Variants in MTUS1 observed in about 807,000 individuals in gnomAD.
MTUS1 encodes the protein microtubule associated scaffold protein 1, also known as microtubule-associated tumor suppressor 1.
Under a neutral mutation model 120.8 loss-of-function variants are expected in MTUS1, and 109 were observed. That is an observed-to-expected ratio of 0.90 (90% CI 0.77 to 1.06). MTUS1 has a LOEUF of 1.06. Ranked by LOEUF, MTUS1 falls within the 50% of genes least tolerant of loss-of-function variation. MTUS1 has a pLI of 0.00. For missense variants in MTUS1, 2,210 were observed against 1,486.3 expected, an observed-to-expected ratio of 1.49 and a Z score of -8.01; for synonymous variants, 737 against 550.5, an observed-to-expected ratio of 1.34 and a Z score of -4.74.
intron 8 of MTUS1, 136 bp from the exon 9 acceptor site, chr8:17,656,201 T>A (rs1009184798): frequency 1.2e-5 from 9 of 757,696 alleles, no homozygotes; most frequent in Middle Eastern, 2.8e-4. Flanking sequence ...TGACCATGTC[T>A]TCAAATATAA....
intron 1 of MTUS1, among the ~76,000 whole-genome samples, chr8:17,759,438 A>T (rs978475591): frequency 1.3e-5 from 2 of 151,328 alleles, no homozygotes; most frequent in African/African-American, 4.8e-5. Context: ...TAATTTTTTT[A>T]AAAAACTTTT....
At chr8:17,751,540 G>A (rs11203908) in intron 2 of MTUS1, among the ~76,000 whole-genome samples, 1 of 149,986 alleles carries the variant, frequency 6.7e-6, no homozygotes, top group Non-Finnish European at 1.5e-5. Flanking sequence ...CAAAATTAGA[G>A]AGCACTGTGC....
intron 6 of MTUS1, among the ~76,000 whole-genome samples, chr8:17,696,700 T>G (rs1401398460): frequency 6.6e-6 from 1 of 152,214 alleles, no homozygotes; most frequent in African/African-American, 2.4e-5. Flanking sequence ...ATTTTGAGAC[T>G]GCACACACTT....
chr8:17,714,393 A>G (rs1425355910), intron 5 of MTUS1, among the ~76,000 whole-genome samples: 1 of 152,214 alleles, frequency 6.6e-6, no homozygotes, highest in East Asian at 1.9e-4. Flanking sequence ...AAAGTTACTA[A>G]TAGATATTAA....
intron 8 of MTUS1, among the ~76,000 whole-genome samples, chr8:17,667,613 TGATTA>T (rs1462790029): frequency 1.3e-5 from 2 of 152,230 alleles, no homozygotes; most frequent in Non-Finnish European, 2.9e-5. Flanking sequence ...CTTAAACTCT[TGATTA>T]GAAGAAAAAT....
At chr8:17,767,762 G>C (rs369739314) in intron 1 of MTUS1, among the ~76,000 whole-genome samples, 84 of 150,308 alleles carry the variant, frequency 5.6e-4, no homozygotes, top group Non-Finnish European at 9.2e-4. Context: ...TCCAAGTTTG[G>C]GGGTTGGGGA....
chr8:17,680,641 T>C (rs764170874), intron 7 of MTUS1, among the ~76,000 whole-genome samples: 1 of 152,180 alleles, frequency 6.6e-6, no homozygotes, highest in African/African-American at 2.4e-5. Flanking sequence ...TGCATCTCTC[T>C]GTAGATCCAA....
Position 17,729,895 on chromosome 8 carries a change from T to C in MTUS1, c.2288-6062A>G, listed in dbSNP as rs79069029. ...AGACAACAAATAGCCCAGAGGCACATGCAAAGATGCTCAACATCACTAGTC... is the reference window on the plus strand; with the variant it reads ...AGACAACAAATAGCCCAGAGGCACACGCAAAGATGCTCAACATCACTAGTC... On this transcript the variant is annotated intron_variant, in intron 3 of 14. Coordinates refer to ENST00000693296, the MANE Select transcript of MTUS1 (RefSeq NM_001363059.2). 1.3e-4 allele frequency among the ~76,000 whole-genome samples: 19 copies of C among 148,850 alleles called. 1 individual carries two copies. In the East Asian group the frequency reaches 3.0e-3, roughly 23 times the overall value.
At chr8:17,670,540 C>G (rs890116503) in intron 8 of MTUS1, among the ~76,000 whole-genome samples, 1 of 152,122 alleles carries the variant, frequency 6.6e-6, no homozygotes, top group Non-Finnish European at 1.5e-5. Flanking sequence ...CAGCAGACAT[C>G]TGACCAGGTG....
Position 17,686,029 on chromosome 8 carries a change from C to G in MTUS1, c.2624-1487G>C, listed in dbSNP as rs113434622. Among the ~76,000 whole-genome samples the G allele has an allele frequency of 3.4e-3, 512 of 152,330 alleles. 6 individuals are homozygous for G. The highest frequency in any genetic ancestry group is 0.012 in the African/African-American group (498 of 41,582). ...CCATGAGATTAGCATTCTTTCATGT[C>G]ATTTCCTAAATGTTTTTAGAAATTG... On this transcript the variant is annotated intron_variant, in intron 6 of 14. Coordinates refer to ENST00000693296, the MANE Select transcript of MTUS1 (RefSeq NM_001363059.2).
intron 1 of MTUS1, chr8:17,770,382 T>C (rs568146674): frequency 6.6e-6 from 1 of 152,230 alleles, no homozygotes; most frequent in African/African-American, 2.4e-5. Flanking sequence ...GAAACTTGAG[T>C]GGTTTTAATT....
At chr8:17,663,857 A>T (rs1810322366) in intron 8 of MTUS1, 1 of 152,266 alleles carries the variant, frequency 6.6e-6, no homozygotes, top group Admixed American at 6.5e-5. Context: ...CGGCCTCCCA[A>T]AGTGCTGGGA....
chr8:17,697,436 A>G (rs1818210165), intron 6 of MTUS1: 1 of 1,597,890 alleles, frequency 6.3e-7, no homozygotes, highest in Admixed American at 1.7e-5. Flanking sequence ...ACTGTCACAT[A>G]CTGTCTTTTT....
At chr8:17,743,821 C>T (rs772380032) in intron 2 of MTUS1, 22 bp from the exon 3 acceptor site, 31 of 1,599,456 alleles carry the variant, frequency 1.9e-5, no homozygotes, top group Middle Eastern at 1.9e-4. Flanking sequence ...ACAGTTAAGA[C>T]TGTAAACCAA....
At chr8:17,709,341 C>T (rs1000378429) in intron 6 of MTUS1, among the ~76,000 whole-genome samples, 1 of 152,220 alleles carries the variant, frequency 6.6e-6, no homozygotes, top group East Asian at 1.9e-4. Context: ...CACATGACAG[C>T]CTTCAATCCG....
chr8:17,732,139 C>G (rs935836949), intron 3 of MTUS1, among the ~76,000 whole-genome samples: 13 of 152,156 alleles, frequency 8.5e-5, no homozygotes, highest in African/African-American at 3.1e-4. Flanking sequence ...TCCTAGCAGC[C>G]ATATTTTAAC....
intron 6 of MTUS1, among the ~76,000 whole-genome samples, chr8:17,712,460 C>G (rs1821503571): frequency 6.6e-6 from 1 of 152,100 alleles, no homozygotes; most frequent in Admixed American, 6.5e-5. Context: ...CCTCAGCCTC[C>G]TGAGTGGCTG....
At chr8:17,771,885 C>T (rs2050050338) in intron 1 of MTUS1, among the ~76,000 whole-genome samples, 1 of 152,140 alleles carries the variant, frequency 6.6e-6, no homozygotes, top group African/African-American at 2.4e-5. Flanking sequence ...AAAGAAGTTA[C>T]GATTTCTACT....
chr8:17,778,999 A>T (rs1033859204), intron 1 of MTUS1, among the ~76,000 whole-genome samples: 1 of 152,162 alleles, frequency 6.6e-6, no homozygotes, highest in African/African-American at 2.4e-5. Context: ...TAGACAAAAA[A>T]ATAGACACAA....
Sources: gnomAD v4.1 joint callset for allele counts (sites outside exome capture counted in the v4.1 genomes callset) on GRCh38, gnomAD v4.1.1 for gene constraint, MANE v1.5 for transcripts, NCBI Gene and HGNC (gene_info 2026-07-23, HGNC 2026-07-21) for gene names.